Variants in SLC1A5 observed in about 807,000 individuals in gnomAD.
SLC1A5 encodes the protein neutral amino acid transporter B(0).
A neutral mutation model predicts 34.9 loss-of-function variants in SLC1A5; 25 were observed. That is an observed-to-expected ratio of 0.72 (90% CI 0.52 to 1.00). The LOEUF (loss-of-function observed/expected upper bound fraction) is 1.00, where lower values mean the gene tolerates loss of function less well. SLC1A5 is among the 50% of genes least tolerant of loss of function. SLC1A5 has a pLI of 0.00. For synonymous variants in SLC1A5, 351 were observed against 341.2 expected (o/e 1.03, Z -0.32); for missense variants, 637 against 740.0 (o/e 0.86, Z 1.61).
chr19:46,780,626 G>A (rs916087156), intron 4 of SLC1A5, among the ~76,000 whole-genome samples: 1 of 151,596 alleles, frequency 6.6e-6, no homozygotes, highest in East Asian at 2.0e-4. Context: ...CCAAAGTGCT[G>A]GGATTACAGG....
chr19:46,775,640 A>G lies in SLC1A5; in HGVS notation c.1496T>C (p.Ile499Thr), dbSNP rs764732938. Residue 499 changes from isoleucine to threonine, a missense_variant, in exon 8 of 8, where the codon ATA becomes ACA. Coordinates refer to ENST00000542575, the MANE Select transcript of SLC1A5 (RefSeq NM_005628.3). ...CAGGGGCAGCTCACTCTTCACTTGT[A>G]TCAACTCAGGCTCTGTGCTTCTCGA... Reference protein sequence around the residue: ...TESRSTEPELIQVKSELPLDP... With the variant: ...TESRSTEPELTQVKSELPLDP... 1.2e-5 allele frequency: 20 copies of G among 1,614,072 alleles called. No homozygotes were observed. The highest frequency in any genetic ancestry group is 1.6e-5 in the Non-Finnish European group (19 of 1,180,020).
intron 4 of SLC1A5, 38 bp downstream of exon 4, chr19:46,782,345 A>ACCCCCCCCCCCCCCCCCCCCCCAC: frequency 6.8e-6 from 2 of 292,428 alleles, no homozygotes; most frequent in East Asian, 7.3e-5. Context: ...CCGACCCTCC[A>ACCCCCCCCCCCCCCCCCCCCCCAC]ACCCCACCCA....
chr19:46,784,783 G>T, intron 1 of SLC1A5: 5 of 1,442,260 alleles, frequency 3.5e-6, no homozygotes, highest in Non-Finnish European at 4.5e-6. Context: ...AGAGGCTGGC[G>T]TGCTAGCCCT....
rs759182861 is a variant in SLC1A5, at chr19:46,782,380, T to TACC, written c.824_824+2dup. ...ACCCCCAGCCTCCTCTCCCACCACC[T>TACC]ACCACATGATCCAGGAGACCAGAAC... On this transcript the variant is annotated splice_region_variant and intron_variant, in intron 4 of 7. Transcript: ENST00000542575. The TACC allele has an allele frequency of 1.8e-5, 8 of 448,376 alleles. No individual in the cohort carries two copies. The highest frequency in any genetic ancestry group is 2.7e-5 in the Non-Finnish European group (8 of 301,354). 27.8% of individuals were successfully genotyped at this position (448,376 alleles called of 1,614,324 possible).
chr19:46,776,153 G>A (rs2055086816), intron 7 of SLC1A5, among the ~76,000 whole-genome samples: 1 of 150,932 alleles, frequency 6.6e-6, no homozygotes, highest in Non-Finnish European at 1.5e-5. Flanking sequence ...GTATTTTTTA[G>A]TATATTCAGA....
chr19:46,775,307 G>A lies in SLC1A5; in HGVS notation c.*203C>T. 1 of 1,353,448 alleles carries A rather than the reference G, an allele frequency of 7.4e-7. No individual in the cohort carries two copies. The highest frequency in any genetic ancestry group is 9.5e-7 in the Non-Finnish European group (1 of 1,052,434). 83.8% of individuals were successfully genotyped at this position (1,353,448 alleles called of 1,614,324 possible). On this transcript the variant is annotated 3_prime_UTR_variant, in exon 8 of 8. Transcript: ENST00000542575. ...GTTGGGGACATGAGTGAGAACTGGG[G>A]GTTTTGAGGAGTAACCCTTGTGAAC...
At chr19:46,780,391 T>C (rs2055136539) in intron 4 of SLC1A5, among the ~76,000 whole-genome samples, 1 of 151,942 alleles carries the variant, frequency 6.6e-6, no homozygotes. Flanking sequence ...TCTCGTTCTG[T>C]TGCCCAGGCT....
chr19:46,782,613 C>T, intron 3 of SLC1A5, 64 bp from the exon 4 acceptor site: 2 of 1,579,210 alleles, frequency 1.3e-6, no homozygotes, highest in Non-Finnish European at 1.7e-6. Flanking sequence ...TCACTGAGGG[C>T]CTGTCCTTGG....
rs768934002 is a variant in SLC1A5 at position 46,777,395 on chromosome 19, G to A, written c.1069C>T (p.Leu357=). 19 of 1,608,046 alleles carry A rather than the reference G, an allele frequency of 1.2e-5. No individual in the cohort carries two copies. In the South Asian group the frequency reaches 2.0e-4, roughly 17 times the overall value. ...AFGTSSSSAT[L]PLMMKCVEEN... ...TCCACGCACTTCATCATCAGCGGCA[G>A]CGTGGCGGAACTGCAAGGGATGGGG... Residue 357 remains leucine, a synonymous_variant, in exon 6 of 8, where the codon CTG becomes TTG. Coordinates refer to ENST00000542575, the MANE Select transcript of SLC1A5 (RefSeq NM_005628.3).
chr19:46,775,052 AACACACACACAC>A lies in SLC1A5; in HGVS notation c.*446_*457del, dbSNP rs55753437. On this transcript the variant is annotated 3_prime_UTR_variant, in exon 8 of 8. Coordinates refer to ENST00000542575, the MANE Select transcript of SLC1A5 (RefSeq NM_005628.3). ...GTACCATGGGGACAGGAGGTCACAG[AACACACACACAC>A]ACACACACACACACACACACACACA... 11,085 of 952,614 alleles carry A rather than the reference AACACACACACAC, an allele frequency of 0.012. 12 individuals carry two copies. The highest frequency in any genetic ancestry group is 0.021 in the South Asian group (425 of 20,356). 59.0% of individuals were successfully genotyped at this position (952,614 alleles called of 1,614,324 possible).
At chr19:46,781,396 T>G (rs1032512107) in intron 4 of SLC1A5, among the ~76,000 whole-genome samples, 2 of 152,050 alleles carry the variant, frequency 1.3e-5, no homozygotes. Context: ...GTCGGGAGTT[T>G]GAGACCAGCC....
intron 4 of SLC1A5, 33 bp downstream of exon 4, chr19:46,782,350 C>CCCCCCCCCCCCCCCCCCCACA: frequency 1.6e-6 from 1 of 631,606 alleles, no homozygotes; most frequent in Non-Finnish European, 2.8e-6. Context: ...CCTCCAACCC[C>CCCCCCCCCCCCCCCCCCCACA]ACCCACCCCC....
chr19:46,774,978 T>C lies in SLC1A5; in HGVS notation c.*532A>G. On this transcript the variant is annotated 3_prime_UTR_variant, in exon 8 of 8. Transcript: ENST00000542575. ...AGCCTCTCCCCAGAGTCCCTGGGAG[T>C]GTTTCTGTTATTGTGGAGGGAATAG... The C allele has an allele frequency of 4.1e-6, 4 of 985,382 alleles. No individual in the cohort carries two copies. The highest frequency in any genetic ancestry group is 4.8e-6 in the Non-Finnish European group (4 of 830,116). 61.0% of individuals were successfully genotyped at this position (985,382 alleles called of 1,614,324 possible).
intron 3 of SLC1A5, among the ~76,000 whole-genome samples, chr19:46,783,688 A>G (rs1034639286): frequency 3.3e-5 from 5 of 152,108 alleles, no homozygotes; most frequent in African/African-American, 1.2e-4. Context: ...GGGAAGGCTG[A>G]GGTGAGAAGG....
At chr19:46,780,800 G>A (rs2055140118) in intron 4 of SLC1A5, among the ~76,000 whole-genome samples, 1 of 151,884 alleles carries the variant, frequency 6.6e-6, no homozygotes, top group Admixed American at 6.6e-5. Context: ...GCAAAACCCT[G>A]TCTCTACTAA....
At chr19:46,784,978 A>AGGCGGT (rs944814386) in intron 1 of SLC1A5, 2 of 849,298 alleles carry the variant, frequency 2.4e-6, no homozygotes, top group Non-Finnish European at 3.0e-6. Context: ...GTGTGTTGGG[A>AGGCGGT]GGCGGTGGCG....
At chr19:46,776,295 A>G (rs2055088553) in intron 7 of SLC1A5, among the ~76,000 whole-genome samples, 1 of 149,806 alleles carries the variant, frequency 6.7e-6, no homozygotes, top group African/African-American at 2.5e-5. Flanking sequence ...CCACCTCCCA[A>G]GTTCAAGCGA....
At chr19:46,781,925 A>C (rs1188696498) in intron 4 of SLC1A5, among the ~76,000 whole-genome samples, 1 of 152,182 alleles carries the variant, frequency 6.6e-6, no homozygotes, top group African/African-American at 2.4e-5. Context: ...TTCTTGAGAC[A>C]GAGTTTCCCT....
rs2122673908 is a variant in SLC1A5, at chr19:46,774,938, C to A, written c.*572G>T. 1.0e-6 allele frequency: 1 copy of A among 985,982 alleles called. No homozygotes were observed. Among genetic ancestry groups the A allele is most frequent in the Middle Eastern group, 5.2e-4 (1 of 1,914 alleles). 61.1% of individuals were successfully genotyped at this position (985,982 alleles called of 1,614,324 possible). On this transcript the variant is annotated 3_prime_UTR_variant, in exon 8 of 8. Coordinates refer to ENST00000542575, the MANE Select transcript of SLC1A5 (RefSeq NM_005628.3). ...AAAAAAATGTCCTCTGGAGTGACAG[C>A]AGGTATTTGTCCTCAGCCTCTCCCC...
Sources: gnomAD v4.1 joint callset for allele counts (sites outside exome capture counted in the v4.1 genomes callset) on GRCh38, gnomAD v4.1.1 for gene constraint, MANE v1.5 for transcripts, NCBI Gene and HGNC (gene_info 2026-07-23, HGNC 2026-07-21) for gene names.